AARS1: variants seen among roughly 807,000 people sequenced by gnomAD.
AARS1 encodes alanyl-tRNA synthetase 1.
AARS1 carries 72 observed loss-of-function variants against 108.9 expected under a neutral mutation model. The observed-to-expected ratio is 0.66, with a 90% CI of 0.55 to 0.80. The LOEUF is 0.80. AARS1 is among the 30% of genes least tolerant of loss of function. The probability of loss-of-function intolerance (pLI) is 0.00; values close to 1 mark genes in which losing one functional copy is unlikely to be tolerated. For synonymous variants in AARS1, 489 were observed against 465.7 expected (o/e 1.05, Z -0.64); for missense variants, 1,193 against 1,233.2 (o/e 0.97, Z 0.49).
chr16:70,264,912 G>A (rs1555540800), intron 11 of AARS1, 46 bp downstream of exon 11: 1 of 1,612,040 alleles, frequency 6.2e-7, no homozygotes, highest in South Asian at 1.1e-5. Context: ...ATACCCCCCA[G>A]ATACGGGGCA....
At chr16:70,262,203 C>T in intron 12 of AARS1, 143 bp downstream of exon 12, 1 of 1,018,672 alleles carries the variant, frequency 9.8e-7, no homozygotes, top group Non-Finnish European at 1.5e-6. Context: ...AGCAACAGCT[C>T]CCTCGGCTTC....
intron 2 of AARS1, among the ~76,000 whole-genome samples, chr16:70,279,877 A>T (rs960771119): frequency 5.9e-5 from 9 of 151,846 alleles, no homozygotes; most frequent in African/African-American, 2.2e-4. Context: ...ACTCACACAT[A>T]ACTGAAAATA....
At chr16:70,289,169 G>C (rs1960961571) in intron 1 of AARS1, among the ~76,000 whole-genome samples, 1 of 150,976 alleles carries the variant, frequency 6.6e-6, no homozygotes, top group African/African-American at 2.4e-5. Flanking sequence ...TTAAAACCAA[G>C]GGAGCTAAAA....
intron 2 of AARS1, among the ~76,000 whole-genome samples, chr16:70,281,608 G>A (rs1439759354): frequency 6.6e-6 from 1 of 152,238 alleles, no homozygotes. Flanking sequence ...AGAGATTGCA[G>A]TGAGCCAAGA....
chr16:70,260,944 G>A, intron 13 of AARS1, 100 bp downstream of exon 13: 2 of 925,082 alleles, frequency 2.2e-6, no homozygotes, highest in Non-Finnish European at 3.5e-6. Flanking sequence ...TTACAAGTGT[G>A]AGCCACCACA....
rs759415214 is a variant in AARS1, at chr16:70,253,718, G to A, written c.2603C>T (p.Ala868Val). The change falls in exon 19 of 21, where the codon GCC becomes GTC. Residue 868 changes from alanine (A) to valine (V), a missense_variant. By Grantham distance (64) the Ala-to-Val change is moderately conservative. Coordinates refer to ENST00000261772, the MANE Select transcript of AARS1 (RefSeq NM_001605.3). ...GGACCCTGGCCCCTGGGTTGCCTTG[G>A]CTGAGGCGCCGCTCTCCATCTCCAG... ...VILEMESGASAKALNEALKLF... is the reference protein window; with the variant it reads ...VILEMESGASVKALNEALKLF... 15 of 1,613,650 alleles carry A rather than the reference G, an allele frequency of 9.3e-6. No individual in the cohort carries two copies. In the Admixed American group the frequency reaches 2.5e-4, roughly 27 times the overall value.
In AARS1 at chr16:70,269,774, G is replaced by C. The variant is rs775972443; in HGVS notation, c.817-11C>G. The stretch of plus-strand genomic sequence containing the variant: ...TCGGGCACCTGTGCCCTATAGATAA[G>C]AATCAGGAGGCAGCCCTTTAGGAAG... On this transcript the variant is annotated splice_polypyrimidine_tract_variant and intron_variant, in intron 6 of 20. Coordinates refer to ENST00000261772, the MANE Select transcript of AARS1 (RefSeq NM_001605.3). 3.1e-6 allele frequency: 5 copies of C among 1,613,930 alleles called. No individual in the cohort carries two copies. In the African/African-American group the frequency reaches 5.3e-5, roughly 17 times the overall value.
At chr16:70,283,945 C>T (rs1470675211) in intron 1 of AARS1, among the ~76,000 whole-genome samples, 1 of 152,168 alleles carries the variant, frequency 6.6e-6, no homozygotes, top group African/African-American at 2.4e-5. Context: ...GGCGCGGTGG[C>T]TCACGCCTGT....
intron 1 of AARS1, among the ~76,000 whole-genome samples, chr16:70,287,422 G>C (rs1396500848): frequency 1.3e-5 from 2 of 150,610 alleles, no homozygotes; most frequent in Non-Finnish European, 3.0e-5. Flanking sequence ...AGCGAGACCT[G>C]TTTCAACTTT....
At chr16:70,278,565 CAAA>C (rs545540368) in intron 2 of AARS1, among the ~76,000 whole-genome samples, 1 of 83,610 alleles carries the variant, frequency 1.2e-5, no homozygotes, top group Non-Finnish European at 2.5e-5. Context: ...ACTCTGTCTC[CAAA>C]AAAAAAAAAA....
intron 4 of AARS1, among the ~76,000 whole-genome samples, chr16:70,275,193 G>C (rs1022249785): frequency 6.6e-6 from 1 of 152,128 alleles, no homozygotes; most frequent in African/African-American, 2.4e-5. Context: ...CCGGGAGGCA[G>C]AGGTTACAGT....
rs1379731653 is a variant in AARS1 at position 70,254,708 on chromosome 16, C to A, written c.2313G>T (p.Lys771Asn). The change falls in exon 17 of 21, where the codon AAG becomes AAT. Residue 771 changes from lysine to asparagine, a missense_variant. Lys to Asn is a moderately conservative substitution (Grantham distance 94). Transcript: ENST00000261772. ...TGGCTTCCATGACAGAGAGACATTTCTTCAAGCTCTCTGCTTTCCTGAGGG... is the reference window on the plus strand; with the variant it reads ...TGGCTTCCATGACAGAGAGACATTTATTCAAGCTCTCTGCTTTCCTGAGGG... ...QKALRKAESL[K>N]KCLSVMEAKV... 2 of 1,613,942 alleles carry A rather than the reference C, an allele frequency of 1.2e-6. No individual in the cohort carries two copies. The highest frequency in any genetic ancestry group is 2.2e-5 in the South Asian group (2 of 91,074).
intron 5 of AARS1, 111 bp from the exon 6 acceptor site, chr16:70,270,451 G>T: frequency 7.2e-7 from 1 of 1,386,402 alleles, no homozygotes; most frequent in Non-Finnish European, 1.0e-6. Flanking sequence ...GTGACCATCT[G>T]CCATTTGCCC....
Position 70,276,635 on chromosome 16 carries a change from C to CA in AARS1, c.334-5dup. ...GAGCCATCTTACATGCCAATTCCTACAAAAAGAACAGAGAGAAAGATATGG... is the reference window on the plus strand; with the variant it reads ...GAGCCATCTTACATGCCAATTCCTACAAAAAAGAACAGAGAGAAAGATATGG... On this transcript the variant is annotated splice_region_variant and splice_polypyrimidine_tract_variant and intron_variant, in intron 3 of 20. Transcript: ENST00000261772. The CA allele has an allele frequency of 6.2e-7, 1 of 1,613,786 alleles. No individual in the cohort carries two copies. The highest frequency in any genetic ancestry group is 8.5e-7 in the Non-Finnish European group (1 of 1,180,006).
intron 9 of AARS1, 32 bp from the exon 10 acceptor site, chr16:70,265,694 A>G (rs183113756): frequency 1.7e-5 from 27 of 1,611,854 alleles, no homozygotes; most frequent in African/African-American, 6.7e-5. Flanking sequence ...TGTCAAAAAA[A>G]ACAGACAGCC....
At chr16:70,266,015 A>C (rs1343824332) in intron 9 of AARS1, among the ~76,000 whole-genome samples, 1 of 151,130 alleles carries the variant, frequency 6.6e-6, no homozygotes, top group Non-Finnish European at 1.5e-5. Flanking sequence ...CGTCTCTAGG[A>C]AAAATACAAA....
At chr16:70,257,289 C>G (rs1960014980) in intron 15 of AARS1, among the ~76,000 whole-genome samples, 1 of 151,586 alleles carries the variant, frequency 6.6e-6, no homozygotes, top group African/African-American at 2.4e-5. Flanking sequence ...CATGGGGGCA[C>G]ATGCCTATAG....
At chr16:70,273,863 CAA>C (rs71385651) in intron 4 of AARS1, among the ~76,000 whole-genome samples, 18 of 54,230 alleles carry the variant, frequency 3.3e-4, no homozygotes, top group African/African-American at 6.1e-4. Flanking sequence ...ACTCCGTCTC[CAA>C]AAAAAAAAAA....
At chr16:70,265,748 GAAGGAATTAAAGACAC>G in intron 9 of AARS1, 86 bp from the exon 10 acceptor site, 1 of 1,555,858 alleles carries the variant, frequency 6.4e-7, no homozygotes, top group Non-Finnish European at 8.8e-7. Flanking sequence ...GGGACTGGCA[GAAGGAATTAAAGACAC>G]AAGGCTATCA....
Sources: allele counts gnomAD v4.1 joint callset (sites outside exome capture counted in the v4.1 genomes callset), GRCh38; gene constraint gnomAD v4.1.1; transcripts MANE v1.5; gene names NCBI Gene and HGNC (gene_info 2026-07-23, HGNC 2026-07-21).